PRDM5: variants seen among roughly 807,000 people sequenced by gnomAD.
PRDM5 encodes PR/SET domain 5.
PRDM5 carries 56 observed loss-of-function variants against 81.2 expected under a neutral mutation model. The ratio of observed to expected loss-of-function variants is 0.69; its 90% CI spans 0.56 to 0.86. The LOEUF is 0.86. PRDM5 is among the 40% of genes least tolerant of loss of function. The pLI is 0.00. For missense variants in PRDM5, 697 were observed against 770.1 expected, an observed-to-expected ratio of 0.91 and a Z score of 1.12; for synonymous variants, 267 against 256.4, an observed-to-expected ratio of 1.04 and a Z score of -0.39.
At chr4:120,759,667 T>A (rs904135800) in intron 13 of PRDM5, among the ~76,000 whole-genome samples, 1 of 152,222 alleles carries the variant, frequency 6.6e-6, no homozygotes, top group East Asian at 1.9e-4. Flanking sequence ...TATCTTCAGT[T>A]TTAGTCAACT....
In PRDM5 at chr4:120,840,711, G is replaced by A. The variant is rs188174291; in HGVS notation, c.300+12707C>T. On this transcript the variant is annotated intron_variant, in intron 3 of 15. Transcript: ENST00000264808. The stretch of plus-strand genomic sequence containing the variant: ...GGCCCCTCTGTCCATCACAGGTCAC[G>A]ACTCTGCCCACGATAGGCCTGACAG... Among the ~76,000 whole-genome samples, 8 of 152,286 alleles carry A rather than the reference G, an allele frequency of 5.3e-5. No homozygotes were observed. The East Asian group carries it at 5.8e-4, about 11-fold the overall frequency.
chr4:120,718,608 T>A (rs183822838), intron 14 of PRDM5, among the ~76,000 whole-genome samples: 91 of 152,328 alleles, frequency 6.0e-4, no homozygotes, highest in Admixed American at 4.2e-3. Context: ...TTGTATATCA[T>A]TGATTTTAGA....
In PRDM5 at chr4:120,777,252, A is replaced by G. The variant is rs1197877424; in HGVS notation, c.1473T>C (p.Cys491=). The G allele has an allele frequency of 5.0e-5, 80 of 1,613,486 alleles. No homozygotes were observed. The highest frequency in any genetic ancestry group is 6.4e-5 in the Non-Finnish European group (75 of 1,179,548). ...TGGCAAATTTCTGGCCACAATATGG[A>G]CAGATTTTCTCCTTTTCTCCTGTAT... The part of the protein sequence containing the change: ...KTHTGEKEKI[C]PYCGQKFASS... The change falls in exon 13 of 16, where the codon TGT becomes TGC. Residue 491 remains cysteine (C), a synonymous_variant. Coordinates refer to ENST00000264808, the MANE Select transcript of PRDM5 (RefSeq NM_018699.4).
At chr4:120,756,455 G>C (rs1744758143) in intron 13 of PRDM5, among the ~76,000 whole-genome samples, 1 of 152,092 alleles carries the variant, frequency 6.6e-6, no homozygotes, top group East Asian at 1.9e-4. Context: ...CAGACTCTAA[G>C]TCATAATGAT....
At chr4:120,909,724 C>T (rs1766273402) in intron 1 of PRDM5, among the ~76,000 whole-genome samples, 1 of 149,762 alleles carries the variant, frequency 6.7e-6, no homozygotes, top group African/African-American at 2.5e-5. Flanking sequence ...GTGGGGGGTG[C>T]GGGGGAAGCC....
chr4:120,721,486 G>A (rs1402614395), intron 14 of PRDM5, among the ~76,000 whole-genome samples: 1 of 152,048 alleles, frequency 6.6e-6, no homozygotes, highest in East Asian at 1.9e-4. Flanking sequence ...TAATAACAAT[G>A]ACAAAAACAG....
rs543328819 is a variant in PRDM5, at chr4:120,726,441, C to G, written c.1624-16028G>C. ...TTACATTGGTTATTTGGTTTAGACA[C>G]ACTGGTGCCTTCAGAGAATGTTAAC... On this transcript the variant is annotated intron_variant, in intron 14 of 15. Transcript: ENST00000264808. Among the ~76,000 whole-genome samples, 13 of 152,278 alleles carry G rather than the reference C, an allele frequency of 8.5e-5. No homozygotes were observed. The East Asian group carries it at 2.5e-3, about 29-fold the overall frequency.
chr4:120,867,507 T>C (rs1028249105), intron 2 of PRDM5, among the ~76,000 whole-genome samples: 10 of 152,188 alleles, frequency 6.6e-5, no homozygotes, highest in African/African-American at 2.4e-4. Flanking sequence ...ACATCAAACT[T>C]GTATCAAGAA....
At chr4:120,851,326 T>C (rs1007629559) in intron 3 of PRDM5, among the ~76,000 whole-genome samples, 7 of 152,098 alleles carry the variant, frequency 4.6e-5, no homozygotes, top group Admixed American at 3.3e-4. Context: ...ATTTTAATAA[T>C]AGTAACATTT....
At chr4:120,816,250 G>A (rs2149335745) in intron 7 of PRDM5, 2 of 810,652 alleles carry the variant, frequency 2.5e-6, no homozygotes, top group Non-Finnish European at 4.0e-6. Flanking sequence ...TTCAGGAATG[G>A]GAAAAAGAAC....
At chr4:120,754,151 C>T (rs529495838) in intron 14 of PRDM5, among the ~76,000 whole-genome samples, 1 of 152,342 alleles carries the variant, frequency 6.6e-6, no homozygotes, top group Non-Finnish European at 1.5e-5. Context: ...TGCAAATATA[C>T]TTGCTCATCA....
intron 14 of PRDM5, among the ~76,000 whole-genome samples, chr4:120,722,361 ACT>A (rs1467318269): frequency 6.6e-6 from 1 of 151,698 alleles, no homozygotes; most frequent in Non-Finnish European, 1.5e-5. Flanking sequence ...GTCTTGGGTG[ACT>A]CTGCTTCCTA....
At chr4:120,823,373 C>T (rs1206197517) in intron 3 of PRDM5, among the ~76,000 whole-genome samples, 1 of 152,086 alleles carries the variant, frequency 6.6e-6, no homozygotes, top group African/African-American at 2.4e-5. Flanking sequence ...GGCAGCATTC[C>T]AGGCTCCACA....
At chr4:120,882,216 G>A (rs1046208142) in intron 2 of PRDM5, among the ~76,000 whole-genome samples, 1 of 152,180 alleles carries the variant, frequency 6.6e-6, no homozygotes. Context: ...GGAAGCATAT[G>A]GCTTCATTGC....
At chr4:120,819,733 G>T (rs940639391) in intron 4 of PRDM5, among the ~76,000 whole-genome samples, 1 of 151,786 alleles carries the variant, frequency 6.6e-6, no homozygotes, top group Non-Finnish European at 1.5e-5. Flanking sequence ...ACTTGCCCTG[G>T]GGACAACAGG....
chr4:120,747,529 A>G (rs953319449), intron 14 of PRDM5, among the ~76,000 whole-genome samples: 10 of 152,256 alleles, frequency 6.6e-5, no homozygotes, highest in African/African-American at 2.4e-4. Context: ...CCCTCTAGAT[A>G]AATTCAAAAG....
chr4:120,763,848 A>T (rs1267810911), intron 13 of PRDM5, among the ~76,000 whole-genome samples: 2 of 152,094 alleles, frequency 1.3e-5, no homozygotes, highest in African/African-American at 4.8e-5. Context: ...AGTGCCAGCA[A>T]GGAAGTATCA....
intron 2 of PRDM5, chr4:120,895,450 A>C (rs961480461): frequency 1.3e-4 from 20 of 152,196 alleles, no homozygotes; most frequent in African/African-American, 3.9e-4. Context: ...AAGAATGCAA[A>C]ATTTCTAAAA....
intron 2 of PRDM5, among the ~76,000 whole-genome samples, chr4:120,890,887 T>C (rs1354113418): frequency 6.6e-6 from 1 of 152,190 alleles, no homozygotes; most frequent in Non-Finnish European, 1.5e-5. Context: ...TTGTCAGATG[T>C]GTAGTTAGTA....
Sources: gnomAD v4.1 joint callset for allele counts (sites outside exome capture counted in the v4.1 genomes callset) on GRCh38, gnomAD v4.1.1 for gene constraint, MANE v1.5 for transcripts, NCBI Gene and HGNC (gene_info 2026-07-23, HGNC 2026-07-21) for gene names.